PLD5: variants seen among roughly 807,000 people sequenced by gnomAD.
The protein encoded by PLD5 is phospholipase D family member 5.
In PLD5, 36 loss-of-function variants were observed where a neutral mutation model predicts 61.1. The observed-to-expected ratio is 0.59, with a 90% CI of 0.45 to 0.78. The LOEUF is 0.78. Ranked by LOEUF, PLD5 falls within the 30% of genes least tolerant of loss-of-function variation. PLD5 has a pLI of 0.00. For missense variants in PLD5, 515 were observed against 644.4 expected, an observed-to-expected ratio of 0.80 and a Z score of 2.17; for synonymous variants, 243 against 242.8, an observed-to-expected ratio of 1.00 and a Z score of -0.01.
intron 1 of PLD5, among the ~76,000 whole-genome samples, chr1:242,407,342 AGTGT>A (rs2149284661): frequency 6.6e-6 from 1 of 152,208 alleles, no homozygotes; most frequent in Non-Finnish European, 1.5e-5. Context: ...CTTTATTAGC[AGTGT>A]AAGAATGGAC....
At chr1:242,426,557 C>T (rs554318606) in intron 1 of PLD5, among the ~76,000 whole-genome samples, 4 of 152,192 alleles carry the variant, frequency 2.6e-5, no homozygotes, top group South Asian at 2.1e-4. Flanking sequence ...TATCACTAGG[C>T]GATTAGAGTT....
intron 3 of PLD5, among the ~76,000 whole-genome samples, chr1:242,282,838 A>T (rs985154898): frequency 6.6e-6 from 1 of 152,214 alleles, no homozygotes; most frequent in Admixed American, 6.5e-5. Flanking sequence ...GTGGCAACTC[A>T]TCATCCAGAC....
rs368921561 is a variant in PLD5, at chr1:242,457,939, T to C, written c.189+66149A>G. On this transcript the variant is annotated intron_variant, in intron 1 of 9. Transcript: ENST00000536534. ...GTATTTGGATGCCTGGTTCTGTAGA[T>C]GATCGTTGTCCTGACCAACCTTCAG... Among the ~76,000 whole-genome samples the C allele has an allele frequency of 2.0e-5, 3 of 152,348 alleles. No homozygotes were observed. In the South Asian group the frequency reaches 6.2e-4, roughly 32 times the overall value.
intron 1 of PLD5, among the ~76,000 whole-genome samples, chr1:242,437,743 C>T (rs1236762521): frequency 1.3e-5 from 2 of 152,154 alleles, no homozygotes; most frequent in African/African-American, 2.4e-5. Context: ...GTGTCAGCTT[C>T]ATCAATATCC....
At chr1:242,267,136 AC>A (rs1429046953) in intron 3 of PLD5, among the ~76,000 whole-genome samples, 1 of 140,764 alleles carries the variant, frequency 7.1e-6, no homozygotes, top group African/African-American at 2.9e-5. Context: ...AAATAAAAAA[AC>A]AAAAAAAAAA....
intron 1 of PLD5, among the ~76,000 whole-genome samples, chr1:242,512,512 G>C (rs1668959428): frequency 6.6e-6 from 1 of 152,126 alleles, no homozygotes; most frequent in Non-Finnish European, 1.5e-5. Context: ...AGCCACAGCA[G>C]GGCAGAAGCT....
At chr1:242,240,616 A>G (rs1671939481) in intron 4 of PLD5, among the ~76,000 whole-genome samples, 1 of 152,114 alleles carries the variant, frequency 6.6e-6, no homozygotes, top group Non-Finnish European at 1.5e-5. Context: ...AACATCAGGG[A>G]GTTTTAGGCC....
intron 7 of PLD5, 134 bp from the exon 8 acceptor site, chr1:242,107,973 A>C (rs571095679): frequency 1.2e-6 from 1 of 815,296 alleles, no homozygotes. Context: ...ACCTCATCGG[A>C]GAGGCTGAAA....
intron 1 of PLD5, among the ~76,000 whole-genome samples, chr1:242,440,971 A>G (rs1362142874): frequency 5.3e-5 from 8 of 152,228 alleles, no homozygotes; most frequent in Non-Finnish European, 1.2e-4. Flanking sequence ...CAGCATTATT[A>G]TAAATAGTAA....
intron 1 of PLD5, among the ~76,000 whole-genome samples, chr1:242,472,514 T>A (rs1399739495): frequency 2.0e-5 from 3 of 152,224 alleles, no homozygotes; most frequent in Non-Finnish European, 4.4e-5. Flanking sequence ...TGTAAAAGTA[T>A]ATTCTTGTTC....
chr1:242,345,778 G>A, intron 2 of PLD5: 1 of 566,912 alleles, frequency 1.8e-6, no homozygotes, highest in African/African-American at 1.9e-5. Flanking sequence ...GTTGGAAACT[G>A]GATTAGGGTA....
At chr1:242,234,743 T>A (rs886257112) in intron 4 of PLD5, among the ~76,000 whole-genome samples, 1 of 152,062 alleles carries the variant, frequency 6.6e-6, no homozygotes, top group Non-Finnish European at 1.5e-5. Flanking sequence ...TGATCTTTCC[T>A]CTGGTTTCTT....
At chr1:242,405,564 C>A (rs1210682192) in intron 1 of PLD5, among the ~76,000 whole-genome samples, 1 of 151,922 alleles carries the variant, frequency 6.6e-6, no homozygotes, top group Non-Finnish European at 1.5e-5. Context: ...TCATGAGGAA[C>A]TGTTACGTTG....
At chr1:242,206,555 A>T (rs1376579808) in intron 5 of PLD5, among the ~76,000 whole-genome samples, 1 of 152,244 alleles carries the variant, frequency 6.6e-6, no homozygotes, top group Non-Finnish European at 1.5e-5. Context: ...ACTGTTGACC[A>T]GAATAGTCAA....
intron 1 of PLD5, among the ~76,000 whole-genome samples, chr1:242,411,588 TA>T (rs1664562377): frequency 6.6e-6 from 1 of 152,218 alleles, no homozygotes; most frequent in South Asian, 2.1e-4. Context: ...TTTTAGCCCC[TA>T]ATATGGGGCA....
Position 242,288,467 on chromosome 1 carries a change from T to C in PLD5, c.390A>G (p.Leu130=). 1 of 1,612,524 alleles carries C rather than the reference T, an allele frequency of 6.2e-7. No homozygotes were observed. Among genetic ancestry groups the C allele is most frequent in the Non-Finnish European group, 8.5e-7 (1 of 1,179,522 alleles). Residue 130 remains leucine, a synonymous_variant, in exon 3 of 10, where the codon TTA becomes TTG. Coordinates refer to ENST00000536534, the MANE Select transcript of PLD5 (RefSeq NM_001372062.1). ...AATTCATCCAGCCTTGGAAAAGTGA[T>C]AAGTGAAATGGTGCATTTTCTGAAT... ...LNYSENAPFH[L]SLFQGWMNLL...
At chr1:242,393,986 G>T (rs1008384594) in intron 1 of PLD5, among the ~76,000 whole-genome samples, 5 of 143,084 alleles carry the variant, frequency 3.5e-5, no homozygotes, top group Non-Finnish European at 7.5e-5. Context: ...CTTGAACCCG[G>T]AAGGCGGAGG....
chr1:242,405,235 G>A (rs1355990316), intron 1 of PLD5, among the ~76,000 whole-genome samples: 12 of 151,990 alleles, frequency 7.9e-5, no homozygotes, highest in Admixed American at 5.9e-4. Flanking sequence ...ATGCTTTCCC[G>A]TGGTTTTCAA....
chr1:242,361,011 T>C (rs1857144), intron 1 of PLD5, among the ~76,000 whole-genome samples: 54,401 of 151,936 alleles, frequency 0.36, 11,455 homozygotes, highest in Non-Finnish European at 0.46. Context: ...ATAGTGGGCA[T>C]TCAATGAATG....
Sources: allele counts gnomAD v4.1 joint callset (sites outside exome capture counted in the v4.1 genomes callset), GRCh38; gene constraint gnomAD v4.1.1; transcripts MANE v1.5; gene names NCBI Gene and HGNC (gene_info 2026-07-23, HGNC 2026-07-21).